Variants in HCK observed in about 807,000 individuals in gnomAD.
HCK encodes the protein HCK proto-oncogene, Src family tyrosine kinase, also known as tyrosine-protein kinase HCK.
Under a neutral mutation model 70.4 loss-of-function variants are expected in HCK, and 40 were observed. That is an observed-to-expected ratio of 0.57 (90% CI 0.44 to 0.74). The LOEUF (loss-of-function observed/expected upper bound fraction) is 0.74, where lower values mean the gene tolerates loss of function less well. Ranked by LOEUF, HCK falls within the 30% of genes least tolerant of loss-of-function variation. HCK has a pLI of 0.00. For missense variants in HCK, 568 were observed against 697.2 expected (o/e 0.81, Z 2.09); for synonymous variants, 245 against 263.2 (o/e 0.93, Z 0.67).
At position 32,083,884 on chromosome 20, in the gene HCK, G is replaced by A; in HGVS notation, c.533-10G>A. ...TGCCATTCTGAGGGGTTTCTCTTTGGTCAATTCAGGAAGCTACTCTTTGTC... is the reference window on the plus strand; with the variant it reads ...TGCCATTCTGAGGGGTTTCTCTTTGATCAATTCAGGAAGCTACTCTTTGTC... On this transcript the variant is annotated splice_polypyrimidine_tract_variant and intron_variant, in intron 6 of 12. Coordinates refer to ENST00000375852, the MANE Select transcript of HCK (RefSeq NM_002110.5). 2.5e-6 allele frequency: 4 copies of A among 1,614,134 alleles called. No homozygotes were observed. The highest frequency in any genetic ancestry group is 3.4e-6 in the Non-Finnish European group (4 of 1,180,030).
At position 32,052,504 on chromosome 20, in the gene HCK, G is replaced by C. The variant is rs910999480; in HGVS notation, c.62+18G>C. The stretch of plus-strand genomic sequence containing the variant: ...GCGCCCAGGTGAGTGCCGCGCACAG[G>C]GGACCGGGAATACCCGGCCCGCGAG... On this transcript the variant is annotated intron_variant, in intron 1 of 12. Coordinates refer to ENST00000375852, the MANE Select transcript of HCK (RefSeq NM_002110.5). The C allele has an allele frequency of 7.9e-7, 1 of 1,263,312 alleles. No individual in the cohort carries two copies. The highest frequency in any genetic ancestry group is 1.0e-6 in the Non-Finnish European group (1 of 996,058). The allele number at this position is 1,263,312 out of a possible 1,614,324, so 78.3% of individuals were successfully genotyped here.
chr20:32,061,361 A>C (rs1445400984), intron 1 of HCK, among the ~76,000 whole-genome samples: 1 of 152,216 alleles, frequency 6.6e-6, no homozygotes, highest in Non-Finnish European at 1.5e-5. Flanking sequence ...TCCCCCAGAC[A>C]TGGGTGGGCT....
In HCK at chr20:32,067,531, C is replaced by CTTT. The variant is rs11482239; in HGVS notation, c.63-4112_63-4110dup. The stretch of plus-strand genomic sequence containing the variant: ...GAGCAGGAATGTCCTGATGCTTTTA[C>CTTT]TTTTTTTTTTTTTTTTTTTTTGCCC... On this transcript the variant is annotated intron_variant, in intron 1 of 12. Coordinates refer to ENST00000375852, the MANE Select transcript of HCK (RefSeq NM_002110.5). Among the ~76,000 whole-genome samples, 154 of 110,302 alleles carry CTTT rather than the reference C, an allele frequency of 1.4e-3. 2 individuals carry two copies. The highest frequency in any genetic ancestry group is 0.017 in the Middle Eastern group (2 of 120). The allele number at this position is 110,302 out of a possible 152,430, so 72.4% of individuals were successfully genotyped here. A position where few individuals can be genotyped will look rare whatever the true frequency, so the allele number is the denominator to read the frequency against.
At chr20:32,094,775 AAGAGAGAG>A (rs1442475155) in intron 11 of HCK, among the ~76,000 whole-genome samples, 2 of 117,256 alleles carry the variant, frequency 1.7e-5, no homozygotes, top group Admixed American at 8.5e-5. Context: ...GAAAGAAAGA[AAGAGAGAG>A]AAAGAGAAAG....
intron 8 of HCK, 147 bp downstream of exon 8, chr20:32,084,690 C>T: frequency 1.3e-6 from 1 of 758,630 alleles, no homozygotes; most frequent in Non-Finnish European, 2.1e-6. Context: ...AAGCAGTTCC[C>T]TGATAGCAAA....
chr20:32,093,773 T>C, intron 10 of HCK, 90 bp from the exon 11 acceptor site: 1 of 1,286,308 alleles, frequency 7.8e-7, no homozygotes, highest in Non-Finnish European at 1.1e-6. Flanking sequence ...TCGCATTTTC[T>C]TCACTTGAAC....
At chr20:32,088,688 A>AT (rs746617419) in intron 10 of HCK, 44 bp downstream of exon 10, 1 of 1,487,686 alleles carries the variant, frequency 6.7e-7, no homozygotes, top group East Asian at 2.3e-5. Context: ...CAGGAATTCG[A>AT]TTTTTTTACT....
intron 9 of HCK, among the ~76,000 whole-genome samples, chr20:32,087,923 T>C (rs971854979): frequency 3.3e-5 from 5 of 152,164 alleles, no homozygotes; most frequent in African/African-American, 1.2e-4. Flanking sequence ...ATTACAGGCG[T>C]GAGCAACTGC....
At chr20:32,090,667 AG>A (rs1332153616) in intron 10 of HCK, among the ~76,000 whole-genome samples, 1 of 152,108 alleles carries the variant, frequency 6.6e-6, no homozygotes. Context: ...AGCAAACCCA[AG>A]GGTGCCCAAC....
intron 11 of HCK, among the ~76,000 whole-genome samples, chr20:32,096,294 T>C (rs2045953804): frequency 6.7e-6 from 1 of 150,132 alleles, no homozygotes; most frequent in Non-Finnish European, 1.5e-5. Flanking sequence ...GTCAGGAGTT[T>C]GAGACCAGCC....
intron 1 of HCK, among the ~76,000 whole-genome samples, chr20:32,062,345 C>T (rs941742545): frequency 9.9e-5 from 15 of 152,196 alleles, no homozygotes; most frequent in African/African-American, 3.1e-4. Context: ...AACTGCCCTG[C>T]CTCCTGCCTG....
At chr20:32,075,957 C>A (rs1294169488) in intron 5 of HCK, among the ~76,000 whole-genome samples, 1 of 152,170 alleles carries the variant, frequency 6.6e-6, no homozygotes, top group African/African-American at 2.4e-5. Context: ...CTCTTTCTAG[C>A]TAGATGGTAT....
In HCK at chr20:32,101,578, G is replaced by A; in HGVS notation, c.*59G>A. The A allele has an allele frequency of 7.0e-7, 1 of 1,436,842 alleles. No homozygotes were observed. The highest frequency in any genetic ancestry group is 2.0e-5 in the Admixed American group (1 of 50,130). The allele number at this position is 1,436,842 out of a possible 1,614,324, so 89.0% of individuals were successfully genotyped here. A position where few individuals can be genotyped will look rare whatever the true frequency, so the allele number is the denominator to read the frequency against. The stretch of plus-strand genomic sequence containing the variant: ...AGGTGGTGGCTGCAAGGTGGCTCCA[G>A]CACCATCCGCCAGGGCCCACACCCC... On this transcript the variant is annotated 3_prime_UTR_variant, in exon 13 of 13. Coordinates refer to ENST00000375852, the MANE Select transcript of HCK (RefSeq NM_002110.5).
chr20:32,064,018 T>G (rs1472510933), intron 1 of HCK, among the ~76,000 whole-genome samples: 1 of 123,446 alleles, frequency 8.1e-6, no homozygotes, highest in African/African-American at 4.1e-5. Flanking sequence ...TTTTTTTTTT[T>G]TTTGAGATAG....
At chr20:32,059,116 G>T (rs1437734842) in intron 1 of HCK, among the ~76,000 whole-genome samples, 1 of 152,196 alleles carries the variant, frequency 6.6e-6, no homozygotes, top group African/African-American at 2.4e-5. Context: ...GATAGAGGCA[G>T]GGCACTGACA....
intron 1 of HCK, 112 bp downstream of exon 1, chr20:32,052,598 G>A: frequency 3.9e-6 from 3 of 765,300 alleles, no homozygotes; most frequent in Non-Finnish European, 5.5e-6. Flanking sequence ...TGGGGGCAGC[G>A]AGGGGAGACG....
At chr20:32,097,704 G>A (rs1188792164) in intron 11 of HCK, among the ~76,000 whole-genome samples, 1 of 151,986 alleles carries the variant, frequency 6.6e-6, no homozygotes, top group Non-Finnish European at 1.5e-5. Context: ...TCCAAAGGAG[G>A]AAGGGAGAAA....
At chr20:32,083,237 ATCTCCCCGTC>A (rs1347585590) in intron 6 of HCK, among the ~76,000 whole-genome samples, 1 of 152,130 alleles carries the variant, frequency 6.6e-6, no homozygotes, top group Non-Finnish European at 1.5e-5. Context: ...ATCTGGAATA[ATCTCCCCGTC>A]TCCAGATCCT....
chr20:32,052,807 T>A (rs1389491971), intron 1 of HCK, among the ~76,000 whole-genome samples: 4 of 137,468 alleles, frequency 2.9e-5, no homozygotes, highest in Non-Finnish European at 4.8e-5. Context: ...ATTTTTTTTT[T>A]AATTTAAAAA....
Sources: allele counts gnomAD v4.1 joint callset (sites outside exome capture counted in the v4.1 genomes callset), GRCh38; gene constraint gnomAD v4.1.1; transcripts MANE v1.5; gene names NCBI Gene and HGNC (gene_info 2026-07-23, HGNC 2026-07-21).